Variants in ESPL1 observed in about 807,000 individuals in gnomAD.
ESPL1 encodes extra spindle pole bodies like 1, separase, also known as separin.
In ESPL1, 50 loss-of-function variants were observed where a neutral mutation model predicts 217.2. That is an observed-to-expected ratio of 0.23 (90% CI 0.18 to 0.29). The LOEUF (loss-of-function observed/expected upper bound fraction) is 0.29, where lower values mean the gene tolerates loss of function less well. Among genes scored for constraint, ESPL1 ranks in the 10% least tolerant of loss-of-function variants. ESPL1 has a pLI of 1.00. For missense variants in ESPL1, 1,834 were observed against 2,603.0 expected (o/e 0.70, Z 6.43); for synonymous variants, 994 against 1,081.3 (o/e 0.92, Z 1.58).
chr12:53,272,915 C>G, intron 6 of ESPL1, 58 bp downstream of exon 6: 1 of 1,584,150 alleles, frequency 6.3e-7, no homozygotes, highest in Non-Finnish European at 8.6e-7. Flanking sequence ...GCGGGGGGAG[C>G]GGGGAAGGGC....
At chr12:53,272,124 G>A (rs1015574325) in intron 5 of ESPL1, among the ~76,000 whole-genome samples, 1 of 152,122 alleles carries the variant, frequency 6.6e-6, no homozygotes, top group Non-Finnish European at 1.5e-5. Context: ...TACTCACTGT[G>A]TGCAACGCAC....
rs528039932 is a variant in ESPL1 at position 53,269,513 on chromosome 12, G to T, written c.571G>T (p.Ala191Ser). ...TACCCCTTGTGAGGTTCCTCACTTT[G>T]CTTCTCCAACAGCCTGTCGAGCGGT... ...ESTPCEVPHF[A>S]SPTACRAVAA... Residue 191 changes from alanine (A) to serine (S), a missense_variant, in exon 3 of 31, where the codon GCT (alanine) becomes TCT (serine). By Grantham distance (99) the Ala-to-Ser change is moderately conservative. Coordinates refer to ENST00000257934, the MANE Select transcript of ESPL1 (RefSeq NM_012291.5). The surrounding 1 kb of genome is among the most constrained non-coding windows in gnomAD (Gnocchi z 6.7). 37 of 1,614,232 alleles carry T rather than the reference G, an allele frequency of 2.3e-5. No homozygotes were observed. The South Asian group carries it at 4.1e-4, about 18-fold the overall frequency.
chr12:53,276,743 T>G lies in ESPL1; in HGVS notation c.1824T>G (p.Cys608Trp), dbSNP rs574428519. The part of the protein sequence containing the change: ...DTGQERFNII[C>W]DLLELSPEET... ...GACAGGAACGCTTCAACATCATCTG[T>G]GACCTCCTGGAGCTGAGCCCCGAGG... The change falls in exon 8 of 31, where the codon TGT (cysteine) becomes TGG (tryptophan). Residue 608 changes from cysteine to tryptophan, a missense_variant. By Grantham distance (215) the Cys-to-Trp change is radical (BLOSUM62 -2). Coordinates refer to ENST00000257934, the MANE Select transcript of ESPL1 (RefSeq NM_012291.5). 1 of 1,613,674 alleles carries G rather than the reference T, an allele frequency of 6.2e-7. No individual in the cohort carries two copies. The highest frequency in any genetic ancestry group is 1.3e-5 in the African/African-American group (1 of 75,050).
Position 53,269,883 on chromosome 12 carries a change from T to C in ESPL1, c.941T>C (p.Leu314Pro), listed in dbSNP as rs1565750188. 6.2e-7 allele frequency: 1 copy of C among 1,614,216 alleles called. No homozygotes were observed. Among genetic ancestry groups the C allele is most frequent in the Non-Finnish European group, 8.5e-7 (1 of 1,180,042 alleles). The change falls in exon 3 of 31, where the codon CTT becomes CCT. Residue 314 changes from leucine to proline, a missense_variant. Leu to Pro is a moderately conservative substitution (Grantham distance 98). This residue lies in a region of ESPL1 where 746 missense variants were observed against 1,077.0 expected (regional missense o/e 0.69). Transcript: ENST00000257934. This position sits in a 1 kb window ranked among gnomAD's most constrained non-coding sequence, Gnocchi z 6.7. ...GAAGGACCTCAGGCAGTGGCCAAGC[T>C]TCTGATCAAGGCATCAGCTGTCCTG... is the stretch of plus-strand genomic sequence containing the variant. ...GEEGPQAVAK[L>P]LIKASAVLSK... is the part of the protein sequence containing the mutation.
intron 7 of ESPL1, among the ~76,000 whole-genome samples, chr12:53,275,726 CTTT>C (rs560945425): frequency 4.6e-5 from 6 of 129,518 alleles, no homozygotes; most frequent in Non-Finnish European, 8.4e-5. Flanking sequence ...GTGTCTGTTC[CTTT>C]TTTTTTTTTT....
intron 12 of ESPL1, among the ~76,000 whole-genome samples, chr12:53,280,101 G>T (rs578070929): frequency 2.0e-5 from 3 of 152,166 alleles, no homozygotes; most frequent in Non-Finnish European, 4.4e-5. Context: ...GGAACCTACC[G>T]CCAGTCTTGT....
Position 53,288,153 on chromosome 12 carries a change from G to A in ESPL1, c.4358G>A (p.Gly1453Asp), listed in dbSNP as rs142131425. The A allele has an allele frequency of 3.2e-5, 51 of 1,613,156 alleles. No homozygotes were observed. In the African/African-American group the frequency reaches 6.3e-4, roughly 20 times the overall value. The part of the protein sequence containing the change: ...GSAPGNPGLN[G>D]RSRRAKKVAS... Reference sequence around the variant, plus strand: ...GCCCCTGGGAACCCTGGCCTGAATGGCAGGAGCCGGAGGGCCAAGAAGGTG... The same window carrying A: ...GCCCCTGGGAACCCTGGCCTGAATGACAGGAGCCGGAGGGCCAAGAAGGTG... The change falls in exon 19 of 31, where the codon GGC becomes GAC. Residue 1453 changes from glycine to aspartate, a missense_variant. Gly to Asp is a moderately conservative substitution (Grantham distance 94). Around this residue, in one of 5 missense-constraint regions of ESPL1, gnomAD observed 681 missense variants for 808.0 expected, o/e 0.84. Transcript: ENST00000257934.
chr12:53,291,618 A>C, intron 25 of ESPL1, 72 bp from the exon 26 acceptor site: 2 of 1,487,400 alleles, frequency 1.3e-6, no homozygotes, highest in Non-Finnish European at 1.8e-6. Flanking sequence ...GAAAGGGAAG[A>C]AACTGGACTT....
chr12:53,269,130 C>T lies in ESPL1; in HGVS notation c.188C>T (p.Ala63Val). Reference protein sequence around the residue: ...ILRACNQQLTAKLACPRHLGS... With the variant: ...ILRACNQQLTVKLACPRHLGS... Reference sequence around the variant, plus strand: ...AGGGCTTGCAACCAGCAGCTGACTGCTAAGCTAGCTTGCCCTAGGCATCTG... The same window carrying T: ...AGGGCTTGCAACCAGCAGCTGACTGTTAAGCTAGCTTGCCCTAGGCATCTG... The change falls in exon 3 of 31, where the codon GCT becomes GTT. Residue 63 changes from alanine to valine, a missense_variant. Transcript: ENST00000257934. The surrounding 1 kb of genome is among the most constrained non-coding windows in gnomAD (Gnocchi z 6.7). 1 of 1,614,184 alleles carries T rather than the reference C, an allele frequency of 6.2e-7. No homozygotes were observed. Among genetic ancestry groups the T allele is most frequent in the Non-Finnish European group, 8.5e-7 (1 of 1,180,038 alleles).
chr12:53,277,388 C>G, intron 9 of ESPL1, 82 bp from the exon 10 acceptor site: 1 of 1,529,436 alleles, frequency 6.5e-7, no homozygotes, highest in Non-Finnish European at 8.9e-7. Context: ...TCCAACAATC[C>G]TCCCACCTCA....
In ESPL1 at chr12:53,289,574, G is replaced by T. The variant is rs931976880; in HGVS notation, c.5093G>T (p.Arg1698Leu). The change falls in exon 22 of 31, where the codon CGC (arginine) becomes CTC (leucine). Residue 1698 changes from arginine (R) to leucine (L), a missense_variant. Coordinates refer to ENST00000257934, the MANE Select transcript of ESPL1 (RefSeq NM_012291.5). ...PQPEKESFQE[R>L]LALIPSGVTV... ...CCTGAAAAGGAGAGTTTCCAGGAGCGCCTGGCTCTGATCCCCAGTGGTATG... is the reference window on the plus strand; with the variant it reads ...CCTGAAAAGGAGAGTTTCCAGGAGCTCCTGGCTCTGATCCCCAGTGGTATG... 3 of 1,613,768 alleles carry T rather than the reference G, an allele frequency of 1.9e-6. No individual in the cohort carries two copies. The highest frequency in any genetic ancestry group is 1.7e-6 in the Non-Finnish European group (2 of 1,179,942).
Position 53,292,041 on chromosome 12 carries a change from C to T in ESPL1, c.5749C>T (p.Arg1917Trp), listed in dbSNP as rs755962097. 2.5e-6 allele frequency: 4 copies of T among 1,614,110 alleles called. No individual in the cohort carries two copies. Among genetic ancestry groups the T allele is most frequent in the Non-Finnish European group, 2.5e-6 (3 of 1,180,014 alleles). ...CAGCCTCCAAGCACTGCCTGTCACCCGGCTGCCCTCCTTCCGCTTCCTACT... is the reference window on the plus strand; with the variant it reads ...CAGCCTCCAAGCACTGCCTGTCACCTGGCTGCCCTCCTTCCGCTTCCTACT... ...MPSLQALPVT[R>W]LPSFRFLLSY... is the part of the protein sequence containing the mutation. Residue 1917 changes from arginine (R) to tryptophan (W), a missense_variant, in exon 27 of 31, where the codon CGG (arginine) becomes TGG (tryptophan). Around this residue, in one of 5 missense-constraint regions of ESPL1, gnomAD observed 295 missense variants for 519.8 expected, o/e 0.57. Transcript: ENST00000257934. The surrounding 1 kb of genome is among the most constrained non-coding windows in gnomAD (Gnocchi z 4.5).
chr12:53,271,709 A>G (rs1200417440), intron 5 of ESPL1, among the ~76,000 whole-genome samples: 1 of 152,126 alleles, frequency 6.6e-6, no homozygotes, highest in Non-Finnish European at 1.5e-5. Context: ...TTCTTCCCAC[A>G]GAGTACTGAA....
chr12:53,284,755 T>C, intron 17 of ESPL1, among the ~76,000 whole-genome samples: 1 of 151,512 alleles, frequency 6.6e-6, no homozygotes, highest in African/African-American at 2.4e-5. Context: ...GGCTCATGCC[T>C]GTAATCCTAG....
intron 17 of ESPL1, 121 bp from the exon 18 acceptor site, chr12:53,285,803 C>A: frequency 3.0e-6 from 2 of 667,714 alleles, no homozygotes; most frequent in East Asian, 2.5e-5. Flanking sequence ...TATATACACA[C>A]ATATATATAC....
chr12:53,289,755 G>GT (rs1944019516), intron 22 of ESPL1, 161 bp downstream of exon 22: 38 of 679,860 alleles, frequency 5.6e-5, no homozygotes, highest in South Asian at 1.3e-4. Flanking sequence ...AAGGTTTGTT[G>GT]TTTTTTTTAA....
chr12:53,277,262 GGT>G (rs1389713640), intron 9 of ESPL1, 35 bp downstream of exon 9: 1 of 1,588,536 alleles, frequency 6.3e-7, no homozygotes, highest in Non-Finnish European at 8.6e-7. Flanking sequence ...ACCAGAACTG[GGT>G]GTAGGAATTA....
At position 53,290,478 on chromosome 12, in the gene ESPL1, T is replaced by C. The variant is rs1226850108; in HGVS notation, c.5364+9T>C. 2 of 1,611,806 alleles carry C rather than the reference T, an allele frequency of 1.2e-6. No homozygotes were observed. The highest frequency in any genetic ancestry group is 2.2e-5 in the East Asian group (1 of 44,834). ...TGGACCACAGGATGGAGGTGTGTGC[T>C]TCTGGGGTGGGGTCAGGCCTGCTCT... On this transcript the variant is annotated intron_variant, in intron 24 of 30. Transcript: ENST00000257934.
chr12:53,273,258 G>T (rs1214002068), intron 6 of ESPL1, among the ~76,000 whole-genome samples: 3 of 150,768 alleles, frequency 2.0e-5, no homozygotes, highest in African/African-American at 7.3e-5. Flanking sequence ...GGCCAGGCTG[G>T]TCTCAAACTC....
Sources: gnomAD v4.1 joint callset for allele counts (sites outside exome capture counted in the v4.1 genomes callset) on GRCh38, gnomAD v4.1.1 for gene constraint, gnomAD v4.1.1 regional missense constraint, Gnocchi (gnomAD v3.1) non-coding constraint, MANE v1.5 for transcripts, NCBI Gene and HGNC (gene_info 2026-07-23, HGNC 2026-07-21) for gene names.